Variants in IL9R observed in about 807,000 individuals in gnomAD.
The protein encoded by IL9R is interleukin 9 receptor.
A neutral mutation model predicts 56.3 loss-of-function variants in IL9R; 54 were observed. The ratio of observed to expected loss-of-function variants is 0.96; its 90% CI spans 0.77 to 1.20. IL9R has a LOEUF of 1.20. Ranked by LOEUF, IL9R falls within the 50% of genes most tolerant of loss-of-function variation. IL9R has a pLI of 0.00. For missense variants in IL9R, 545 were observed against 629.8 expected (o/e 0.87, Z 1.44); for synonymous variants, 212 against 250.2 (o/e 0.85, Z 1.44).
At chrX:156,001,898 T>C (rs1167126103) in intron 1 of IL9R, among the ~76,000 whole-genome samples, 1 of 152,154 alleles carries the variant, frequency 6.6e-6, no homozygotes, top group African/African-American at 2.4e-5. Context: ...GCCCTTCTGG[T>C]GTTGCTCTTC....
chrX:155,997,885 C>A, intron 1 of IL9R, 98 bp downstream of exon 1: 1 of 1,183,932 alleles, frequency 8.4e-7, no homozygotes, highest in South Asian at 1.2e-5. Context: ...CCCAGGGAGC[C>A]ACTGTGGCAT....
intron 6 of IL9R, 134 bp from the exon 7 acceptor site, chrX:156,005,949 A>C: frequency 3.1e-6 from 2 of 647,734 alleles, no homozygotes; most frequent in Non-Finnish European, 5.5e-6. Context: ...AGCAGGTGAC[A>C]CAAACCTCCA....
chrX:156,004,258 C>G (rs1217354611), intron 4 of IL9R, 162 bp from the exon 5 acceptor site: 3 of 674,068 alleles, frequency 4.5e-6, no homozygotes, highest in Non-Finnish European at 7.8e-6. Context: ...GCTGTCCTGT[C>G]CCGCCTGGGG....
At chrX:155,998,645 G>A (rs1327668521) in intron 1 of IL9R, among the ~76,000 whole-genome samples, 2 of 151,986 alleles carry the variant, frequency 1.3e-5, no homozygotes, top group Admixed American at 6.6e-5. Flanking sequence ...TCTTCAAGTA[G>A]CATCCCAGAG....
chrX:156,009,241 GGTGTGTGTGTCTGTGTGTGTGTGTT>G (rs1417393485), intron 8 of IL9R, among the ~76,000 whole-genome samples: 647 of 26,218 alleles, frequency 0.025, 5 homozygotes, highest in African/African-American at 0.18. Context: ...GTGTTCGTGT[GGTGTGTGTGTCTGTGTGTGTGTGTT>G]TGTGTGTGTA....
chrX:156,009,363 GTCTGTGTGTA>G (rs1236944892), intron 8 of IL9R, among the ~76,000 whole-genome samples: 7 of 151,090 alleles, frequency 4.6e-5, no homozygotes, highest in East Asian at 1.9e-4. Flanking sequence ...GTGTGTGTGT[GTCTGTGTGTA>G]TCTGTGTGTG....
intron 4 of IL9R, 70 bp from the exon 5 acceptor site, chrX:156,004,350 T>C: frequency 6.6e-7 from 1 of 1,526,052 alleles, no homozygotes; most frequent in Non-Finnish European, 9.1e-7. Context: ...CAGACCCCAG[T>C]CTTGTGTGTT....
At chrX:156,002,013 TG>T (rs2067565924) in intron 1 of IL9R, among the ~76,000 whole-genome samples, 1 of 152,082 alleles carries the variant, frequency 6.6e-6, no homozygotes, top group Non-Finnish European at 1.5e-5. Context: ...GCAGAACAGT[TG>T]GATGGGTCTT....
At chrX:156,001,366 C>T in intron 1 of IL9R, 1 of 1,334,588 alleles carries the variant, frequency 7.5e-7, no homozygotes. Context: ...CTCACATATC[C>T]CAAGAGCAGG....
chrX:156,007,537 T>A lies in IL9R; in HGVS notation c.902T>A (p.Phe301Tyr), dbSNP rs774791066. The A allele has an allele frequency of 1.5e-6, 2 of 1,305,184 alleles. No individual in the cohort carries two copies. The highest frequency in any genetic ancestry group is 2.1e-6 in the Non-Finnish European group (2 of 930,572). The allele number at this position is 1,305,184 out of a possible 1,614,324, so 80.9% of individuals were successfully genotyped here. ...CTTGGCCTCAGGGTGAAGAGAATCTTCTACCAGAACGTGCCCTCTCCAGCG... is the reference window on the plus strand; with the variant it reads ...CTTGGCCTCAGGGTGAAGAGAATCTACTACCAGAACGTGCCCTCTCCAGCG... ...FKLSPRVKRI[F>Y]YQNVPSPAMF... The change falls in exon 8 of 9, where the codon TTC becomes TAC. Residue 301 changes from phenylalanine (F) to tyrosine (Y), a missense_variant. Physicochemically the swap from Phe to Tyr is conservative, Grantham distance 22. Transcript: ENST00000244174.
chrX:156,004,671 G>A, intron 5 of IL9R, 106 bp downstream of exon 5: 1 of 1,164,268 alleles, frequency 8.6e-7, no homozygotes. Flanking sequence ...GTGATGAGAA[G>A]GGAGGAACTA....
chrX:156,008,967 G>T (rs1382465321), intron 8 of IL9R, among the ~76,000 whole-genome samples: 79 of 151,318 alleles, frequency 5.2e-4, no homozygotes, highest in African/African-American at 1.9e-3. Flanking sequence ...GTGTTTATGT[G>T]TGTGTGTCTG....
chrX:156,004,094 G>T (rs1309251003), intron 4 of IL9R: 15 of 606,490 alleles, frequency 2.5e-5, no homozygotes, highest in Non-Finnish European at 4.4e-5. Context: ...TGGGGCAGGG[G>T]CTGGCACTTG....
At chrX:156,000,669 A>G (rs2067457962) in intron 1 of IL9R, among the ~76,000 whole-genome samples, 1 of 152,156 alleles carries the variant, frequency 6.6e-6, no homozygotes, top group African/African-American at 2.4e-5. Flanking sequence ...GGTGACATTC[A>G]GGAGCAGGGA....
At chrX:156,002,864 G>A in intron 1 of IL9R, 42 bp from the exon 2 acceptor site, 2 of 1,612,972 alleles carry the variant, frequency 1.2e-6, no homozygotes, top group South Asian at 2.2e-5. Flanking sequence ...CCCCTCCAGA[G>A]AGGGATGATT....
At chrX:156,009,252 C>CTG (rs1262813249) in intron 8 of IL9R, among the ~76,000 whole-genome samples, 3 of 69,660 alleles carry the variant, frequency 4.3e-5, no homozygotes, top group East Asian at 5.7e-4. Context: ...GTGTGTGTGT[C>CTG]TGTGTGTGTG....
chrX:155,998,437 A>ATGTG (rs753054940), intron 1 of IL9R, among the ~76,000 whole-genome samples: 146 of 151,870 alleles, frequency 9.6e-4, no homozygotes, highest in African/African-American at 3.3e-3. Context: ...GAGCTGGAGG[A>ATGTG]TGTGGGCCCT....
At chrX:156,009,241 G>GTGTGTTTAT (rs1377556588) in intron 8 of IL9R, among the ~76,000 whole-genome samples, 1 of 26,702 alleles carries the variant, frequency 3.7e-5, no homozygotes, top group Non-Finnish European at 7.5e-5. Flanking sequence ...GTGTTCGTGT[G>GTGTGTTTAT]GTGTGTGTGT....
intron 8 of IL9R, among the ~76,000 whole-genome samples, chrX:156,009,357 G>T (rs1379551241): frequency 6.6e-6 from 1 of 151,080 alleles, no homozygotes; most frequent in Non-Finnish European, 1.5e-5. Flanking sequence ...TGTCTCGTGT[G>T]TGTGTGTCTG....
Sources: allele counts gnomAD v4.1 joint callset (sites outside exome capture counted in the v4.1 genomes callset), GRCh38; gene constraint gnomAD v4.1.1; transcripts MANE v1.5; gene names NCBI Gene and HGNC (gene_info 2026-07-23, HGNC 2026-07-21).